AOPEP: variants seen among roughly 807,000 people sequenced by gnomAD.
The protein encoded by AOPEP is aminopeptidase O.
In AOPEP, 77 loss-of-function variants were observed where a neutral mutation model predicts 98.1. The observed-to-expected ratio is 0.78, with a 90% CI of 0.65 to 0.95. The LOEUF is 0.95. Among genes scored for constraint, AOPEP ranks in the 40% least tolerant of loss-of-function variants. AOPEP has a pLI of 0.00. For missense variants in AOPEP, 1,024 were observed against 1,024.7 expected (o/e 1.00, Z 0.01); for synonymous variants, 346 against 365.3 (o/e 0.95, Z 0.60).
chr9:95,100,140 C>A, the AOPEP span: 2 of 232,642 alleles, frequency 8.6e-6, no homozygotes, highest in Non-Finnish European at 1.7e-5. Context: ...CCTTTTTCAA[C>A]CCCAACACCT....
chr9:94,869,037 T>A (rs1435001249), intron 5 of AOPEP, among the ~76,000 whole-genome samples: 1 of 152,094 alleles, frequency 6.6e-6, no homozygotes, highest in East Asian at 1.9e-4. Context: ...GAGACCAGCC[T>A]GGCCAGCATG....
intron 5 of AOPEP, among the ~76,000 whole-genome samples, chr9:94,804,875 G>A (rs1848910349): frequency 6.6e-6 from 1 of 152,176 alleles, no homozygotes; most frequent in South Asian, 2.1e-4. Context: ...AGAGGGAAAA[G>A]CTTCCTTAAA....
the AOPEP span, among the ~76,000 whole-genome samples, chr9:95,115,300 G>A: frequency 1.3e-5 from 2 of 152,232 alleles, no homozygotes; most frequent in Non-Finnish European, 2.9e-5. Context: ...AGCAGCCCCC[G>A]CTGAGACTGG....
At chr9:94,775,373 ATTT>A (rs1170011175) in intron 3 of AOPEP, among the ~76,000 whole-genome samples, 1 of 140,270 alleles carries the variant, frequency 7.1e-6, no homozygotes. Flanking sequence ...TATTTACTTG[ATTT>A]TTTTTTTTTT....
At chr9:95,036,696 C>A (rs951226004) in intron 13 of AOPEP, among the ~76,000 whole-genome samples, 1 of 49,094 alleles carries the variant, frequency 2.0e-5, no homozygotes, top group Admixed American at 2.6e-4. Context: ...CTTCTTTCTT[C>A]TTCTTCTTTT....
intron 11 of AOPEP, among the ~76,000 whole-genome samples, chr9:94,979,755 T>TGG (rs11394969): frequency 9.3e-5 from 14 of 150,504 alleles, no homozygotes; most frequent in Middle Eastern, 3.4e-3. Context: ...GGGCAGGTGG[T>TGG]GGGGGGGCAG....
At chr9:94,911,892 T>C (rs918634345) in intron 5 of AOPEP, among the ~76,000 whole-genome samples, 9 of 152,206 alleles carry the variant, frequency 5.9e-5, no homozygotes, top group African/African-American at 2.2e-4. Flanking sequence ...AAAGTATACA[T>C]CTTAGCATAC....
chr9:95,068,432 C>A (rs2068133933), intron 14 of AOPEP, among the ~76,000 whole-genome samples: 1 of 152,154 alleles, frequency 6.6e-6, no homozygotes. Flanking sequence ...TGTTGAGCAT[C>A]TTTTCATGTG....
intron 5 of AOPEP, among the ~76,000 whole-genome samples, chr9:94,841,742 T>A (rs897109527): frequency 6.6e-6 from 1 of 152,224 alleles, no homozygotes; most frequent in Non-Finnish European, 1.5e-5. Flanking sequence ...GAATGTTCCA[T>A]GTGTACTTTA....
chr9:95,143,567 A>G, the AOPEP span, among the ~76,000 whole-genome samples: 3 of 152,336 alleles, frequency 2.0e-5, no homozygotes, highest in African/African-American at 7.2e-5. Flanking sequence ...GCCTGGATGA[A>G]GACCAAATGC....
At chr9:95,113,350 T>G in the AOPEP span, among the ~76,000 whole-genome samples, 15 of 152,066 alleles carry the variant, frequency 9.9e-5, no homozygotes, top group African/African-American at 3.4e-4. Flanking sequence ...ACAAATAAGA[T>G]AGTCTTAGTA....
At chr9:94,732,321 A>C (rs929041923) in intron 1 of AOPEP, among the ~76,000 whole-genome samples, 1 of 151,640 alleles carries the variant, frequency 6.6e-6, no homozygotes, top group Admixed American at 6.6e-5. Context: ...ACTAATTCCC[A>C]TCTCTTTTAC....
intron 5 of AOPEP, among the ~76,000 whole-genome samples, chr9:94,915,859 C>T (rs1356514382): frequency 4.6e-5 from 7 of 152,236 alleles, no homozygotes; most frequent in Admixed American, 4.6e-4. Context: ...ATTCTGAGTA[C>T]ACTTTAGGAA....
At chr9:95,017,968 TTTTTA>T (rs1417981573) in intron 13 of AOPEP, among the ~76,000 whole-genome samples, 2 of 151,978 alleles carry the variant, frequency 1.3e-5, no homozygotes, top group Non-Finnish European at 2.9e-5. Context: ...CACTAGTTCC[TTTTTA>T]TTTTAAAGTA....
chr9:95,121,938 A>G, the AOPEP span, among the ~76,000 whole-genome samples: 1 of 151,688 alleles, frequency 6.6e-6, no homozygotes, highest in Non-Finnish European at 1.5e-5. Flanking sequence ...GCTCACTGCA[A>G]GCTCCGCCTC....
At chr9:95,090,606 G>A (rs989398296), downstream of AOPEP, among the ~76,000 whole-genome samples, 2 of 152,150 alleles carry the variant, frequency 1.3e-5, no homozygotes, top group Middle Eastern at 3.2e-3. Context: ...TGCAGGCCTC[G>A]CCAGCACCCT....
chr9:94,792,399 AT>A (rs1051063068), intron 3 of AOPEP, among the ~76,000 whole-genome samples: 1 of 151,778 alleles, frequency 6.6e-6, no homozygotes, highest in East Asian at 1.9e-4. Context: ...TCAATTGAGC[AT>A]TTTTTTTAAT....
intron 5 of AOPEP, among the ~76,000 whole-genome samples, chr9:94,826,703 ATGGTGG>A (rs762593808): frequency 6.6e-6 from 1 of 152,040 alleles, no homozygotes; most frequent in Non-Finnish European, 1.5e-5. Flanking sequence ...GATAATAATG[ATGGTGG>A]TGGTGGTGGT....
intron 5 of AOPEP, among the ~76,000 whole-genome samples, chr9:94,852,288 C>T (rs938391277): frequency 6.6e-6 from 1 of 152,038 alleles, no homozygotes; most frequent in African/African-American, 2.4e-5. Context: ...TTTTAAAGCT[C>T]CCCAGATGAT....
Sources: gnomAD v4.1 joint callset for allele counts (sites outside exome capture counted in the v4.1 genomes callset) on GRCh38, gnomAD v4.1.1 for gene constraint, MANE v1.5 for transcripts, NCBI Gene and HGNC (gene_info 2026-07-23, HGNC 2026-07-21) for gene names.